Variants in DUSP14 observed in about 807,000 individuals in gnomAD.
DUSP14 encodes dual specificity protein phosphatase 14.
DUSP14 carries 5 observed loss-of-function variants against 13.2 expected under a neutral mutation model. The ratio of observed to expected loss-of-function variants is 0.38; its 90% confidence interval spans 0.20 to 0.80. The LOEUF is 0.80. Among genes scored for constraint, DUSP14 ranks in the 30% least tolerant of loss-of-function variants. DUSP14 has a pLI of 0.44. For synonymous variants in DUSP14, 91 were observed against 103.4 expected (o/e 0.88, Z 0.73); for missense variants, 185 against 264.0 (o/e 0.70, Z 2.07).
chr17:37,508,733 C>CTCT (rs539554147), intron 1 of DUSP14, among the ~76,000 whole-genome samples: 11 of 129,068 alleles, frequency 8.5e-5, no homozygotes, highest in African/African-American at 2.8e-4. Flanking sequence ...GACTCCATCT[C>CTCT]AATATATATA....
chr17:37,490,932 T>G (rs1195733383), intron 1 of DUSP14, among the ~76,000 whole-genome samples: 1 of 152,176 alleles, frequency 6.6e-6, no homozygotes, highest in Non-Finnish European at 1.5e-5. Flanking sequence ...CTGGAATTCC[T>G]AGTCCCTAAG....
chr17:37,512,332 C>T lies in DUSP14; in HGVS notation c.60C>T (p.Ser20=), dbSNP rs143763398. ...CTCTCATGGCCCCTCGGATGATTTC[C>T]GAGGGAGACATAGGAGGCATTGCTC... ...PRTLMAPRMI[S]EGDIGGIAQI... The change falls in exon 3 of 3, where the codon TCC becomes TCT. Residue 20 remains serine (S), a synonymous_variant. Coordinates refer to ENST00000617516, the MANE Select transcript of DUSP14 (RefSeq NM_007026.4). This position sits in a 1 kb window ranked among gnomAD's most constrained non-coding sequence, Gnocchi z 4.8. The T allele has an allele frequency of 4.5e-5, 73 of 1,613,842 alleles. No individual in the cohort carries two copies. Among genetic ancestry groups the T allele is most frequent in the African/African-American group, 3.1e-4 (23 of 74,888 alleles).
chr17:37,504,488 A>G (rs2143095833), intron 1 of DUSP14, among the ~76,000 whole-genome samples: 1 of 152,352 alleles, frequency 6.6e-6, no homozygotes, highest in East Asian at 1.9e-4. Flanking sequence ...AAAAGCAAAA[A>G]CGATCCCTCC....
intron 1 of DUSP14, among the ~76,000 whole-genome samples, chr17:37,506,733 C>T (rs913169130): frequency 5.9e-5 from 9 of 152,168 alleles, no homozygotes; most frequent in Admixed American, 5.9e-4. Flanking sequence ...GACTCTAGGG[C>T]TTCTTGTAGT....
At chr17:37,503,026 C>T (rs1171509140) in intron 1 of DUSP14, among the ~76,000 whole-genome samples, 2 of 152,142 alleles carry the variant, frequency 1.3e-5, no homozygotes, top group Admixed American at 6.5e-5. Context: ...ATGAGCTCCA[C>T]GCCCAGCCTT....
Position 37,501,026 on chromosome 17 carries a change from T to G in DUSP14, c.-180-9651T>G, listed in dbSNP as rs548224341. On this transcript the variant is annotated intron_variant, in intron 1 of 2. Coordinates refer to ENST00000617516, the MANE Select transcript of DUSP14 (RefSeq NM_007026.4). Reference sequence around the variant, plus strand: ...TCCAATTGTATGACTGAGCCACAAATAGACAACTCATGGAAGGACGGTTCT... The same window carrying G: ...TCCAATTGTATGACTGAGCCACAAAGAGACAACTCATGGAAGGACGGTTCT... Among the ~76,000 whole-genome samples, 407 of 147,940 alleles carry G rather than the reference T, an allele frequency of 2.8e-3. 1 individual carries two copies. Among genetic ancestry groups the G allele is most frequent in the African/African-American group, 9.5e-3 (387 of 40,824 alleles).
At chr17:37,504,244 G>C (rs996387321) in intron 1 of DUSP14, among the ~76,000 whole-genome samples, 1 of 152,150 alleles carries the variant, frequency 6.6e-6, no homozygotes, top group African/African-American at 2.4e-5. Context: ...AGCAAATGCA[G>C]TGTGAACAGG....
intron 1 of DUSP14, among the ~76,000 whole-genome samples, chr17:37,509,284 TATATATATATATAG>T (rs1320369732): frequency 3.4e-5 from 1 of 29,208 alleles, no homozygotes; most frequent in African/African-American, 1.5e-4. Flanking sequence ...TATATATATA[TATATATATATATAG>T]TGTGTGTGTG....
intron 1 of DUSP14, among the ~76,000 whole-genome samples, chr17:37,496,151 A>G (rs991625931): frequency 6.6e-6 from 1 of 152,230 alleles, no homozygotes; most frequent in Non-Finnish European, 1.5e-5. Context: ...ATGAAGACAC[A>G]CTTCATGTCA....
intron 1 of DUSP14, among the ~76,000 whole-genome samples, chr17:37,504,019 C>G (rs148337135): frequency 0.016 from 2,421 of 152,206 alleles, 30 homozygotes; most frequent in South Asian, 0.04. Context: ...CATGGTGAAA[C>G]CCTGTCTCTA....
In DUSP14 at chr17:37,502,172, CTTG is replaced by C. The variant is rs533490748; in HGVS notation, c.-180-8502_-180-8500del. On this transcript the variant is annotated intron_variant, in intron 1 of 2. Coordinates refer to ENST00000617516, the MANE Select transcript of DUSP14 (RefSeq NM_007026.4). ...TGTTTTGTTTGCTTATCAAACAAAA[CTTG>C]TTTACAAGTCCCTGTTTTTTTTTTA... Among the ~76,000 whole-genome samples, 610 of 152,022 alleles carry C rather than the reference CTTG, an allele frequency of 4.0e-3. 3 individuals carry two copies. Among genetic ancestry groups the C allele is most frequent in the African/African-American group, 0.014 (576 of 41,462 alleles).
intron 1 of DUSP14, among the ~76,000 whole-genome samples, chr17:37,498,802 A>G (rs927889960): frequency 6.6e-5 from 10 of 152,110 alleles, no homozygotes; most frequent in African/African-American, 2.4e-4. Context: ...GATTCCTTCT[A>G]AAAAGGTACT....
At chr17:37,504,023 G>C (rs2054121885) in intron 1 of DUSP14, among the ~76,000 whole-genome samples, 1 of 152,078 alleles carries the variant, frequency 6.6e-6, no homozygotes, top group Admixed American at 6.6e-5. Flanking sequence ...GTGAAACCCT[G>C]TCTCTACTAA....
chr17:37,507,999 A>G (rs1410943834), intron 1 of DUSP14, among the ~76,000 whole-genome samples: 1 of 152,234 alleles, frequency 6.6e-6, no homozygotes, highest in Non-Finnish European at 1.5e-5. Flanking sequence ...CAATGCACAC[A>G]CACGCAGTTT....
At chr17:37,504,123 G>T (rs980652086) in intron 1 of DUSP14, among the ~76,000 whole-genome samples, 2 of 152,124 alleles carry the variant, frequency 1.3e-5, no homozygotes, top group African/African-American at 4.8e-5. Context: ...GAACCCGGGA[G>T]GTGGAGGTTG....
chr17:37,502,740 C>A (rs554075550), intron 1 of DUSP14, among the ~76,000 whole-genome samples: 1 of 152,190 alleles, frequency 6.6e-6, no homozygotes, highest in Admixed American at 6.5e-5. Context: ...CGTGTGGTAG[C>A]TCTGTTGAGC....
In DUSP14 at chr17:37,513,151, TCTG is replaced by T; in HGVS notation, c.*285_*287del. On this transcript the variant is annotated 3_prime_UTR_variant, in exon 3 of 3. Coordinates refer to ENST00000617516, the MANE Select transcript of DUSP14 (RefSeq NM_007026.4). ...AATTTGAACAGTTTAATAAACTGGT[TCTG>T]CTCTCTTCTGAATCTCATGCCTTTG... is the stretch of plus-strand genomic sequence containing the variant. 1 of 430,138 alleles carries T rather than the reference TCTG, an allele frequency of 2.3e-6. No individual in the cohort carries two copies. 26.6% of individuals were successfully genotyped at this position (430,138 alleles called of 1,614,324 possible).
intron 1 of DUSP14, among the ~76,000 whole-genome samples, chr17:37,496,404 A>G (rs1330799251): frequency 2.0e-5 from 3 of 151,928 alleles, no homozygotes; most frequent in Non-Finnish European, 2.9e-5. Flanking sequence ...CAAAAGTTCA[A>G]TCGAGACTAG....
chr17:37,502,376 G>A (rs1460737115), intron 1 of DUSP14, among the ~76,000 whole-genome samples: 4 of 148,418 alleles, frequency 2.7e-5, no homozygotes, highest in African/African-American at 9.9e-5. Flanking sequence ...TAGAGAGAGA[G>A]TCTTCTCACA....
Sources: allele counts gnomAD v4.1 joint callset (sites outside exome capture counted in the v4.1 genomes callset), GRCh38; gene constraint gnomAD v4.1.1; non-coding constraint Gnocchi (gnomAD v3.1); transcripts MANE v1.5; gene names NCBI Gene and HGNC (gene_info 2026-07-23, HGNC 2026-07-21).